CUL4B: variants seen among roughly 807,000 people sequenced by gnomAD.
The protein encoded by CUL4B is cullin-4B.
A neutral mutation model predicts 69.2 loss-of-function variants in CUL4B; 1 was observed. The ratio of observed to expected loss-of-function variants is 0.01; its 90% CI spans 0.01 to 0.07. The LOEUF (loss-of-function observed/expected upper bound fraction) is 0.07, where lower values mean the gene tolerates loss of function less well. CUL4B is among the 10% of genes least tolerant of loss of function. CUL4B has a pLI of 1.00. For missense variants in CUL4B, 328 were observed against 638.8 expected, an observed-to-expected ratio of 0.51 and a Z score of 5.24; for synonymous variants, 237 against 223.2, an observed-to-expected ratio of 1.06 and a Z score of -0.55.
At chrX:120,549,571 C>A (rs189584637) in intron 2 of CUL4B, among the ~76,000 whole-genome samples, 33 of 110,902 alleles carry the variant, frequency 3.0e-4, no homozygotes, top group African/African-American at 1.1e-3. Context: ...AAGAGAAGAG[C>A]AGAGCAGAGC....
intron 16 of CUL4B, 25 bp downstream of exon 16, chrX:120,535,805 A>T: frequency 1.0e-6 from 1 of 976,783 alleles, no homozygotes; most frequent in Admixed American, 2.2e-5. Flanking sequence ...GATGAAAACT[A>T]AAAGTTTTGG....
At chrX:120,544,049 T>C (rs1308953997) in intron 7 of CUL4B, 65 bp downstream of exon 7, 4 of 718,473 alleles carry the variant, frequency 5.6e-6, no homozygotes, top group Non-Finnish European at 8.9e-6. Flanking sequence ...GGGAAGCTTA[T>C]ATTCTACAAA....
Position 120,531,881 on chromosome X carries a change from C to T in CUL4B, c.2439+541G>A, listed in dbSNP as rs1197954296. Among the ~76,000 whole-genome samples, 4 of 111,388 alleles carry T rather than the reference C, an allele frequency of 3.6e-5. No homozygotes were observed. The Admixed American group carries it at 3.8e-4, about 11-fold the overall frequency. On this transcript the variant is annotated intron_variant, in intron 18 of 19. Transcript: ENST00000371322. ...ACATAGTAAGACAGGCTCTCATATG[C>T]TGCTGGACAGAGTATAAACTGGTCC... is the stretch of plus-strand genomic sequence containing the variant.
downstream of CUL4B, among the ~76,000 whole-genome samples, chrX:120,571,020 CA>C (rs1318814142): frequency 3.2e-4 from 4 of 12,345 alleles, no homozygotes. Context: ...AGGGAGATAA[CA>C]AAAAAAAGGG....
intron 1 of CUL4B, among the ~76,000 whole-genome samples, chrX:120,575,144 T>A (rs1423742870): frequency 8.9e-6 from 1 of 112,413 alleles, no homozygotes; most frequent in Non-Finnish European, 1.9e-5. Context: ...TCACCACAAA[T>A]AACTATGACT....
At chrX:120,561,110 G>A (rs1925275705), upstream of CUL4B, 10 of 1,030,083 alleles carry the variant, frequency 9.7e-6, no homozygotes, top group Admixed American at 4.5e-5. Flanking sequence ...GTCACGCGGC[G>A]CCGAGGGAGG....
intron 8 of CUL4B, 27 bp from the exon 9 acceptor site, chrX:120,543,060 A>C (rs1053898859): frequency 9.6e-7 from 1 of 1,043,794 alleles, no homozygotes; most frequent in Admixed American, 2.3e-5. Flanking sequence ...AAAGGTTAGT[A>C]TTATTGACGT....
intron 16 of CUL4B, 126 bp downstream of exon 16, chrX:120,535,704 C>CAAAAAAAAAAAAAAAAAAAAA (rs71820203): frequency 2.1e-4 from 39 of 189,649 alleles, no homozygotes; most frequent in Admixed American, 5.2e-4. Context: ...GACTCTGTCT[C>CAAAAAAAAAAAAAAAAAAAAA]AAAAAAAAAA....
At chrX:120,556,318 C>A (rs1209907670) in intron 2 of CUL4B, among the ~76,000 whole-genome samples, 2 of 111,687 alleles carry the variant, frequency 1.8e-5, no homozygotes. Flanking sequence ...TTTGCGTGTA[C>A]TAATTTTCAC....
intron 2 of CUL4B, among the ~76,000 whole-genome samples, chrX:120,553,149 T>C (rs1924785038): frequency 1.8e-5 from 2 of 112,036 alleles, no homozygotes; most frequent in Non-Finnish European, 3.8e-5. Flanking sequence ...AGTTGTACAT[T>C]TTAAAAAACA....
upstream of CUL4B, chrX:120,561,185 C>A: frequency 1.4e-6 from 1 of 711,071 alleles, no homozygotes; most frequent in South Asian, 2.8e-5. Flanking sequence ...GGCGGGGGAG[C>A]TCGCGCGTGA....
downstream of CUL4B, among the ~76,000 whole-genome samples, chrX:120,569,049 C>T (rs990096278): frequency 2.7e-4 from 30 of 111,880 alleles, no homozygotes; most frequent in Non-Finnish European, 5.1e-4. Context: ...GTTCAGGCCA[C>T]CATCAAGCAG....
intron 2 of CUL4B, among the ~76,000 whole-genome samples, chrX:120,550,587 A>G (rs1924628807): frequency 8.9e-6 from 1 of 111,791 alleles, no homozygotes; most frequent in African/African-American, 3.3e-5. Context: ...TGAGAAATCG[A>G]GAATTAAGCT....
Position 120,560,879 on chromosome X carries a change from A to C in CUL4B, c.-241T>G. 2.7e-6 allele frequency: 2 copies of C among 753,535 alleles called. No homozygotes were observed. Among genetic ancestry groups the C allele is most frequent in the Non-Finnish European group, 3.1e-6 (2 of 639,031 alleles). The allele number at this position is 753,535 out of a possible 1,213,427, so 62.1% of individuals were successfully genotyped here. Reference sequence around the variant, plus strand: ...GAGGGGGGAGAGCGAATGAGGAGGCAGACAGGTAAACGGCCGTGCCGTCCC... The same window carrying C: ...GAGGGGGGAGAGCGAATGAGGAGGCCGACAGGTAAACGGCCGTGCCGTCCC... On this transcript the variant is annotated 5_prime_UTR_variant, in exon 1 of 20. Transcript: ENST00000371322.
At chrX:120,548,163 A>G (rs1924448290) in intron 2 of CUL4B, among the ~76,000 whole-genome samples, 1 of 111,429 alleles carries the variant, frequency 9.0e-6, no homozygotes. Flanking sequence ...AGTTCCAGCT[A>G]TTTAGGAGGC....
At chrX:120,560,055 G>A (rs1925192199) in intron 1 of CUL4B, 28 bp downstream of exon 1, 2 of 1,209,100 alleles carry the variant, frequency 1.7e-6, no homozygotes, top group South Asian at 3.5e-5. Flanking sequence ...ATCCTTATTA[G>A]GTGATTATGG....
intron 10 of CUL4B, 69 bp from the exon 11 acceptor site, chrX:120,540,631 A>G: frequency 1.3e-6 from 1 of 744,242 alleles, no homozygotes; most frequent in Admixed American, 2.9e-5. Context: ...CCCAAATCAT[A>G]TTTTAAGTGG....
chrX:120,543,064 T>C (rs1399244940), intron 8 of CUL4B, 31 bp from the exon 9 acceptor site: 3 of 988,687 alleles, frequency 3.0e-6, no homozygotes, highest in African/African-American at 1.9e-5. Flanking sequence ...GTTAGTATTA[T>C]TGACGTTTGA....
chrX:120,568,118 G>A (rs1024510760), downstream of CUL4B, among the ~76,000 whole-genome samples: 1 of 111,455 alleles, frequency 9.0e-6, no homozygotes, highest in Non-Finnish European at 1.9e-5. Flanking sequence ...CCTTTAAGGT[G>A]AATGCCTCTT....
Sources: gnomAD v4.1 joint callset for allele counts (sites outside exome capture counted in the v4.1 genomes callset) on GRCh38, gnomAD v4.1.1 for gene constraint, MANE v1.5 for transcripts, NCBI Gene and HGNC (gene_info 2026-07-23, HGNC 2026-07-21) for gene names.